Variants in ADK observed in about 807,000 individuals in gnomAD.
ADK encodes N6,N6-dimethyladenosine kinase.
Under a neutral mutation model 44.7 loss-of-function variants are expected in ADK, and 24 were observed. The observed-to-expected ratio is 0.54, with a 90% confidence interval of 0.39 to 0.76. The LOEUF (loss-of-function observed/expected upper bound fraction) is 0.76, where lower values mean the gene tolerates loss of function less well. ADK is among the 30% of genes least tolerant of loss of function. The pLI, the probability that ADK is intolerant of heterozygous loss-of-function variation, is 0.00. For synonymous variants in ADK, 128 were observed against 142.6 expected, an observed-to-expected ratio of 0.90 and a Z score of 0.73; for missense variants, 321 against 425.1, an observed-to-expected ratio of 0.76 and a Z score of 2.15.
chr10:74,418,579 A>AGTGGTTGGTGTT (rs1261830352), intron 6 of ADK, among the ~76,000 whole-genome samples: 1 of 152,230 alleles, frequency 6.6e-6, no homozygotes, highest in Admixed American at 6.5e-5. Flanking sequence ...AAGAGAAAAA[A>AGTGGTTGGTGTT]GTGGTTGGTG....
intron 3 of ADK, among the ~76,000 whole-genome samples, chr10:74,302,381 C>T (rs1012093468): frequency 2.0e-5 from 3 of 151,610 alleles, no homozygotes; most frequent in African/African-American, 7.3e-5. Flanking sequence ...CTCAGCCTCC[C>T]AAAGTGCTAG....
intron 3 of ADK, among the ~76,000 whole-genome samples, chr10:74,310,975 A>G (rs1210759518): frequency 1.3e-5 from 2 of 152,100 alleles, no homozygotes; most frequent in Non-Finnish European, 2.9e-5. Flanking sequence ...CTTTAAAAAT[A>G]ATTGTATGGA....
chr10:74,151,637 G>A (rs1480253607), intron 1 of ADK, among the ~76,000 whole-genome samples: 1 of 152,228 alleles, frequency 6.6e-6, no homozygotes, highest in Non-Finnish European at 1.5e-5. Flanking sequence ...CCCAGGCTGG[G>A]CTGGTGCGAC....
chr10:74,270,554 C>T (rs1337665028), intron 3 of ADK, among the ~76,000 whole-genome samples: 2 of 152,188 alleles, frequency 1.3e-5, no homozygotes, highest in African/African-American at 4.8e-5. Context: ...TGAGCCACTG[C>T]ACCCAGCAAA....
At chr10:74,259,972 T>C (rs1055605314) in intron 3 of ADK, among the ~76,000 whole-genome samples, 16 of 152,084 alleles carry the variant, frequency 1.1e-4, no homozygotes, top group African/African-American at 3.4e-4. Flanking sequence ...GTATGTTAAG[T>C]GCATTTTACC....
At chr10:74,285,148 A>G (rs1053203385) in intron 3 of ADK, among the ~76,000 whole-genome samples, 1 of 152,198 alleles carries the variant, frequency 6.6e-6, no homozygotes, top group Non-Finnish European at 1.5e-5. Flanking sequence ...TAGGCAAGTG[A>G]TAAGCTTTAT....
chr10:74,483,762 G>C (rs949732588), intron 6 of ADK, among the ~76,000 whole-genome samples: 3 of 152,170 alleles, frequency 2.0e-5, no homozygotes, highest in Non-Finnish European at 4.4e-5. Flanking sequence ...TTTCCCTAAA[G>C]AAGGAGCACA....
intron 3 of ADK, among the ~76,000 whole-genome samples, chr10:74,235,417 C>G (rs1297628211): frequency 6.6e-6 from 1 of 152,138 alleles, no homozygotes; most frequent in Admixed American, 6.5e-5. Context: ...GATCGTTCCA[C>G]CTCAGCCTCC....
chr10:74,326,923 T>C (rs1841041248), intron 4 of ADK, among the ~76,000 whole-genome samples: 1 of 151,974 alleles, frequency 6.6e-6, no homozygotes, highest in Non-Finnish European at 1.5e-5. Context: ...ATTTGTGTCT[T>C]CTCCTTTTTT....
intron 9 of ADK, among the ~76,000 whole-genome samples, chr10:74,620,010 C>T (rs1171298127): frequency 6.6e-6 from 1 of 152,186 alleles, no homozygotes. Context: ...GCGTGAGCCA[C>T]AACACCCTGC....
chr10:74,261,324 G>A (rs926733852), intron 3 of ADK, among the ~76,000 whole-genome samples: 1 of 151,988 alleles, frequency 6.6e-6, no homozygotes. Flanking sequence ...ATTTTTCTTT[G>A]TTTATCATAG....
Position 74,314,887 on chromosome 10 carries a change from T to C in ADK, c.273+142T>C. 3 of 658,620 alleles carry C rather than the reference T, an allele frequency of 4.6e-6. 1 individual carries two copies. The highest frequency in any genetic ancestry group is 2.5e-5 in the Admixed American group (1 of 39,512). The allele number at this position is 658,620 out of a possible 1,614,324, so 40.8% of individuals were successfully genotyped here. A position where few individuals can be genotyped will look rare whatever the true frequency, so the allele number is the denominator to read the frequency against. On this transcript the variant is annotated intron_variant, in intron 4 of 10. Transcript: ENST00000539909. ...TTGGGATTTTAGTAGTCATTGCACA[T>C]CTAATCAAAAGTTATTTTAATTGGT...
intron 7 of ADK, 23 bp from the exon 8 acceptor site, chr10:74,589,259 G>A (rs769742339): frequency 1.3e-6 from 2 of 1,596,084 alleles, no homozygotes; most frequent in Non-Finnish European, 1.7e-6. Flanking sequence ...ATAATTAACT[G>A]TTCTTTTTTT....
chr10:74,469,764 GT>G (rs1166504055), intron 6 of ADK, among the ~76,000 whole-genome samples: 6 of 152,182 alleles, frequency 3.9e-5, no homozygotes. Context: ...CGGAAACTCT[GT>G]AGCCATTGAA....
At chr10:74,507,178 T>A (rs1848113033) in intron 6 of ADK, among the ~76,000 whole-genome samples, 1 of 152,088 alleles carries the variant, frequency 6.6e-6, no homozygotes, top group African/African-American at 2.4e-5. Flanking sequence ...ATGAAAAAAA[T>A]AACAAAAACA....
At chr10:74,200,088 T>C (rs1448551765) in intron 1 of ADK, among the ~76,000 whole-genome samples, 2 of 151,838 alleles carry the variant, frequency 1.3e-5, no homozygotes, top group African/African-American at 4.8e-5. Context: ...TCACAGGGGC[T>C]AACCTAATTT....
At chr10:74,226,606 A>G (rs1239616246) in intron 3 of ADK, among the ~76,000 whole-genome samples, 1 of 151,828 alleles carries the variant, frequency 6.6e-6, no homozygotes, top group African/African-American at 2.4e-5. Flanking sequence ...AAATATTTCA[A>G]CACATATACC....
In ADK at chr10:74,600,335, T is replaced by C. The variant is rs768947006; in HGVS notation, c.763-44T>C. On this transcript the variant is annotated intron_variant, in intron 8 of 10. Transcript: ENST00000539909. The stretch of plus-strand genomic sequence containing the variant: ...TTAATCTACTAATAAAGTTTTGTTT[T>C]ATTTTATTGGTCATGAGAATTTTTT... The C allele has an allele frequency of 2.3e-6, 3 of 1,289,946 alleles. No individual in the cohort carries two copies. The South Asian group carries it at 3.8e-5, about 16-fold the overall frequency. The allele number at this position is 1,289,946 out of a possible 1,614,324, so 79.9% of individuals were successfully genotyped here.
intron 1 of ADK, among the ~76,000 whole-genome samples, chr10:74,188,657 GCT>G (rs1259897460): frequency 6.6e-6 from 1 of 151,836 alleles, no homozygotes; most frequent in Non-Finnish European, 1.5e-5. Context: ...CGGCCACCTT[GCT>G]CTCCTCTTGT....
Sources: gnomAD v4.1 joint callset for allele counts (sites outside exome capture counted in the v4.1 genomes callset) on GRCh38, gnomAD v4.1.1 for gene constraint, MANE v1.5 for transcripts, NCBI Gene and HGNC (gene_info 2026-07-23, HGNC 2026-07-21) for gene names.